The following ELP4 variants were observed in gnomAD, a reference collection of about 807,000 sequenced individuals.
ELP4 encodes the protein elongator complex protein 4.
ELP4 carries 51 observed loss-of-function variants against 48.9 expected under a neutral mutation model. The observed-to-expected ratio is 1.04, with a 90% CI of 0.83 to 1.32. ELP4 has a LOEUF of 1.32. ELP4 is among the 40% of genes most tolerant of loss of function. The probability of loss-of-function intolerance (pLI) is 0.00; values close to 1 mark genes in which losing one functional copy is unlikely to be tolerated. For synonymous variants in ELP4, 210 were observed against 189.2 expected, an observed-to-expected ratio of 1.11 and a Z score of -0.90; for missense variants, 519 against 514.6, an observed-to-expected ratio of 1.01 and a Z score of -0.08.
At chr11:31,515,597 C>T (rs956166722) in intron 1 of ELP4, among the ~76,000 whole-genome samples, 3 of 152,108 alleles carry the variant, frequency 2.0e-5, no homozygotes, top group South Asian at 4.1e-4. Context: ...CTGGGAGGTT[C>T]GAGCTGCAGT....
At chr11:31,596,046 T>A (rs909665387) in intron 4 of ELP4, among the ~76,000 whole-genome samples, 1 of 152,202 alleles carries the variant, frequency 6.6e-6, no homozygotes. Flanking sequence ...CTACCTCTTA[T>A]GGCTTTCCAT....
rs542436401 is a variant in ELP4 at position 31,566,282 on chromosome 11, C to G, written c.381+26499C>G. On this transcript the variant is annotated intron_variant, in intron 3 of 9. Transcript: ENST00000640961. ...CTGGGGCAGGATAATTGCTTGAACCCGGGAGGCAGAGGTTGCAGTGAGCCG... is the reference window on the plus strand; with the variant it reads ...CTGGGGCAGGATAATTGCTTGAACCGGGGAGGCAGAGGTTGCAGTGAGCCG... Among the ~76,000 whole-genome samples the G allele has an allele frequency of 5.3e-5, 8 of 151,856 alleles. No homozygotes were observed. The South Asian group carries it at 1.7e-3, about 32-fold the overall frequency.
chr11:31,693,059 G>A (rs1189030444), intron 9 of ELP4, among the ~76,000 whole-genome samples: 6 of 152,108 alleles, frequency 3.9e-5, no homozygotes, highest in African/African-American at 4.8e-5. Context: ...CATGGCTCGT[G>A]CCCCATGTTT....
At chr11:31,605,679 C>T (rs1332516624) in intron 5 of ELP4, among the ~76,000 whole-genome samples, 1 of 152,006 alleles carries the variant, frequency 6.6e-6, no homozygotes, top group African/African-American at 2.4e-5. Flanking sequence ...CCAGCAAGTA[C>T]AGTGTTATTC....
intron 9 of ELP4, among the ~76,000 whole-genome samples, chr11:31,762,886 G>A (rs1334565412): frequency 6.6e-6 from 1 of 151,452 alleles, no homozygotes; most frequent in Non-Finnish European, 1.5e-5. Context: ...TATAAATAAT[G>A]ATCAACCTGA....
chr11:31,601,181 T>A, intron 4 of ELP4, among the ~76,000 whole-genome samples: 1 of 152,200 alleles, frequency 6.6e-6, no homozygotes, highest in East Asian at 1.9e-4. Context: ...GTAGTTATCT[T>A]TTTTAGAGGA....
chr11:31,694,555 G>T (rs1010827019), intron 9 of ELP4, among the ~76,000 whole-genome samples: 1 of 152,092 alleles, frequency 6.6e-6, no homozygotes, highest in South Asian at 2.1e-4. Flanking sequence ...ATGCTGTTTT[G>T]GTTACTGTAG....
At chr11:31,711,987 T>A (rs1946751275) in intron 9 of ELP4, among the ~76,000 whole-genome samples, 1 of 151,972 alleles carries the variant, frequency 6.6e-6, no homozygotes, top group Non-Finnish European at 1.5e-5. Context: ...TGATTTCTTT[T>A]AGGCCAAGCC....
chr11:31,602,327 C>T (rs1440990569), intron 4 of ELP4, among the ~76,000 whole-genome samples: 5 of 151,892 alleles, frequency 3.3e-5, no homozygotes, highest in Admixed American at 6.6e-5. Context: ...AATAACTTTA[C>T]ATTTTTTAAG....
rs144420817 is a variant in ELP4 at position 31,572,241 on chromosome 11, G to A, written c.382-22529G>A. Among the ~76,000 whole-genome samples, 3 of 152,270 alleles carry A rather than the reference G, an allele frequency of 2.0e-5. No homozygotes were observed. In the South Asian group the frequency reaches 6.2e-4, roughly 32 times the overall value. ...TTCACTTTGCACTGTTATGGAGAAG[G>A]CTTCTTTTCTGAAATCTCATGAACT... On this transcript the variant is annotated intron_variant, in intron 3 of 9. Coordinates refer to ENST00000640961, the MANE Select transcript of ELP4 (RefSeq NM_019040.5).
intron 3 of ELP4, among the ~76,000 whole-genome samples, chr11:31,588,061 A>G: frequency 6.6e-6 from 1 of 152,070 alleles, no homozygotes; most frequent in East Asian, 1.9e-4. Context: ...ATGTTTCTGT[A>G]TATGCTTTGT....
At chr11:31,553,508 T>C (rs1956883269) in intron 3 of ELP4, among the ~76,000 whole-genome samples, 1 of 152,068 alleles carries the variant, frequency 6.6e-6, no homozygotes, top group Admixed American at 6.6e-5. Context: ...TGACTCCTAC[T>C]GAAACATCAG....
In ELP4 at chr11:31,787,887, C is replaced by T; in HGVS notation, c.*4363C>T. ...TTCCATTAATTTCTACATTTCTGAT[C>T]ATTTGCTTTTGGGGATTTTTTTAAA... On this transcript the variant is annotated 3_prime_UTR_variant, in exon 10 of 10. Transcript: ENST00000640961. The T allele has an allele frequency of 4.5e-6, 1 of 221,626 alleles. No individual in the cohort carries two copies. The highest frequency in any genetic ancestry group is 6.6e-5 in the East Asian group (1 of 15,114). 13.7% of individuals were successfully genotyped at this position (221,626 alleles called of 1,614,324 possible). A position where few individuals can be genotyped will look rare whatever the true frequency, so the allele number is the denominator to read the frequency against.
At chr11:31,612,369 G>C (rs912359908) in intron 5 of ELP4, among the ~76,000 whole-genome samples, 1 of 152,100 alleles carries the variant, frequency 6.6e-6, no homozygotes, top group African/African-American at 2.4e-5. Flanking sequence ...CTTAAAAAGG[G>C]TTATTTCATA....
chr11:31,756,983 A>G (rs1261586289), intron 9 of ELP4, among the ~76,000 whole-genome samples: 1 of 152,218 alleles, frequency 6.6e-6, no homozygotes, highest in Non-Finnish European at 1.5e-5. Flanking sequence ...ATCTGATATA[A>G]TGTCTAGATT....
intron 3 of ELP4, among the ~76,000 whole-genome samples, chr11:31,593,982 A>G (rs1220277139): frequency 6.6e-6 from 1 of 152,188 alleles, no homozygotes; most frequent in East Asian, 1.9e-4. Context: ...ACTAATATAT[A>G]ACATAGCACA....
chr11:31,552,738 A>C (rs1342697428), intron 3 of ELP4, among the ~76,000 whole-genome samples: 1 of 152,114 alleles, frequency 6.6e-6, no homozygotes, highest in Non-Finnish European at 1.5e-5. Context: ...CTTCAAATGT[A>C]AGTCAGATCA....
At chr11:31,653,780 A>G (rs1041600551) in intron 9 of ELP4, 1 of 151,830 alleles carries the variant, frequency 6.6e-6, no homozygotes, top group African/African-American at 2.4e-5. Flanking sequence ...TACGTGTAAG[A>G]TAACTTGAGT....
At chr11:31,566,621 A>G (rs1250570040) in intron 3 of ELP4, among the ~76,000 whole-genome samples, 1 of 152,186 alleles carries the variant, frequency 6.6e-6, no homozygotes, top group East Asian at 1.9e-4. Context: ...TATTGATGCA[A>G]CACTTAGAAA....
Sources: gnomAD v4.1 joint callset for allele counts (sites outside exome capture counted in the v4.1 genomes callset) on GRCh38, gnomAD v4.1.1 for gene constraint, MANE v1.5 for transcripts, NCBI Gene and HGNC (gene_info 2026-07-23, HGNC 2026-07-21) for gene names.